Variants in ROBO1 observed in about 807,000 individuals in gnomAD.
ROBO1 encodes the protein roundabout guidance receptor 1, also known as roundabout homolog 1.
In ROBO1, 149 loss-of-function variants were observed where a neutral mutation model predicts 195.9. The ratio of observed to expected loss-of-function variants is 0.76; its 90% confidence interval spans 0.67 to 0.87. ROBO1 has a LOEUF of 0.87. Among genes scored for constraint, ROBO1 ranks in the 40% least tolerant of loss-of-function variants. ROBO1 has a pLI of 0.00. For synonymous variants in ROBO1, 816 were observed against 733.2 expected, an observed-to-expected ratio of 1.11 and a Z score of -1.82; for missense variants, 1,933 against 2,068.3, an observed-to-expected ratio of 0.93 and a Z score of 1.27.
At chr3:78,670,947 C>T (rs375440416) in intron 10 of ROBO1, among the ~76,000 whole-genome samples, 1 of 152,112 alleles carries the variant, frequency 6.6e-6, no homozygotes, top group African/African-American at 2.4e-5. Flanking sequence ...TGCCCAAATA[C>T]ATTGTTGTTT....
At chr3:79,750,557 A>G (rs564595518) in intron 1 of ROBO1, among the ~76,000 whole-genome samples, 3 of 152,264 alleles carry the variant, frequency 2.0e-5, no homozygotes, top group South Asian at 4.1e-4. Context: ...GGAATCCAGT[A>G]GGAGGTGAAT....
At chr3:79,117,450 C>T (rs1278202876) in intron 3 of ROBO1, among the ~76,000 whole-genome samples, 1 of 152,054 alleles carries the variant, frequency 6.6e-6, no homozygotes, top group African/African-American at 2.4e-5. Context: ...GTACTTGTTG[C>T]AGTCACAGAA....
chr3:79,465,328 G>A lies in ROBO1; in HGVS notation c.88+124496C>T, dbSNP rs547555045. Among the ~76,000 whole-genome samples, 4 of 152,122 alleles carry A rather than the reference G, an allele frequency of 2.6e-5. No individual in the cohort carries two copies. In the East Asian group the frequency reaches 7.7e-4, roughly 29 times the overall value. On this transcript the variant is annotated intron_variant, in intron 2 of 30. Transcript: ENST00000464233. ...CTCAACTCAGAACTATCGCAAAAAA[G>A]ATCCCCTTAAGCATTGTCATTTATC...
At chr3:78,805,495 G>C (rs948522973) in intron 4 of ROBO1, among the ~76,000 whole-genome samples, 1 of 151,932 alleles carries the variant, frequency 6.6e-6, no homozygotes. Flanking sequence ...CTAAACAAAT[G>C]TATCTTTTGT....
intron 3 of ROBO1, among the ~76,000 whole-genome samples, chr3:78,977,719 C>T (rs1046999717): frequency 6.6e-6 from 1 of 151,838 alleles, no homozygotes; most frequent in African/African-American, 2.4e-5. Flanking sequence ...GAAATATATA[C>T]CACAATGTTA....
chr3:79,195,967 C>T (rs557062413), intron 2 of ROBO1, among the ~76,000 whole-genome samples: 2 of 151,476 alleles, frequency 1.3e-5, no homozygotes, highest in Admixed American at 1.3e-4. Context: ...AGTTAATTAA[C>T]AGACACATTA....
intron 3 of ROBO1, among the ~76,000 whole-genome samples, chr3:79,009,098 G>C (rs1262194004): frequency 6.9e-6 from 1 of 145,682 alleles, no homozygotes; most frequent in African/African-American, 2.5e-5. Flanking sequence ...CCACCACAAC[G>C]CCCAGCTAAT....
At chr3:79,213,036 G>C (rs189683812) in intron 2 of ROBO1, among the ~76,000 whole-genome samples, 3 of 151,624 alleles carry the variant, frequency 2.0e-5, no homozygotes, top group Non-Finnish European at 4.4e-5. Flanking sequence ...ACAAGCTCAG[G>C]GGTTCAAGAC....
In ROBO1 at chr3:78,673,562, T is replaced by TTATATA. The variant is rs1166250669; in HGVS notation, c.1343-3267_1343-3262dup. Among the ~76,000 whole-genome samples the TTATATA allele has an allele frequency of 6.6e-3, 415 of 63,236 alleles. 2 individuals are homozygous for TTATATA. The highest frequency in any genetic ancestry group is 9.0e-3 in the Non-Finnish European group (279 of 30,850). 41.5% of individuals were successfully genotyped at this position (63,236 alleles called of 152,430 possible). On this transcript the variant is annotated intron_variant, in intron 10 of 30. Transcript: ENST00000464233. Reference sequence around the variant, plus strand: ...ATATTACAGCTAGGTTACATATATTTTATATATATATATATATATATATAT... The same window carrying TTATATA: ...ATATTACAGCTAGGTTACATATATTTTATATATATATATATATATATATATATATAT...
chr3:78,609,894 AT>A (rs1377236413), intron 28 of ROBO1, among the ~76,000 whole-genome samples: 1 of 152,166 alleles, frequency 6.6e-6, no homozygotes, highest in African/African-American at 2.4e-5. Context: ...TAAATATACA[AT>A]TTTTTGAAAC....
At position 79,730,379 on chromosome 3, in the gene ROBO1, T is replaced by C. The variant is rs1703094515; in HGVS notation, c.-51+37373A>G. On this transcript the variant is annotated intron_variant, in intron 1 of 30. Transcript: ENST00000464233. ...TATATCTGATTCCTATGTAATTATATAGTCACTCACTGAATATTCATTCTA... is the reference window on the plus strand; with the variant it reads ...TATATCTGATTCCTATGTAATTATACAGTCACTCACTGAATATTCATTCTA... 2.0e-5 allele frequency among the ~76,000 whole-genome samples: 3 copies of C among 152,344 alleles called. No homozygotes were observed. The South Asian group carries it at 6.2e-4, about 32-fold the overall frequency.
At position 79,745,155 on chromosome 3, in the gene ROBO1, A is replaced by G. The variant is rs969944191; in HGVS notation, c.-51+22597T>C. ...CATCCATTAACCTAACCACTCAGTC[A>G]CAGAGAAGTTCTTATCACCACATTG... is the stretch of plus-strand genomic sequence containing the variant. On this transcript the variant is annotated intron_variant, in intron 1 of 30. Coordinates refer to ENST00000464233, the MANE Select transcript of ROBO1 (RefSeq NM_002941.4). Among the ~76,000 whole-genome samples, 9 of 152,164 alleles carry G rather than the reference A, an allele frequency of 5.9e-5. No individual in the cohort carries two copies. The South Asian group carries it at 6.2e-4, about 10-fold the overall frequency.
intron 2 of ROBO1, among the ~76,000 whole-genome samples, chr3:79,365,224 C>G (rs974383821): frequency 6.6e-6 from 1 of 152,146 alleles, no homozygotes. Flanking sequence ...CCTTCACCAG[C>G]ATTTTTTATA....
chr3:79,508,639 C>T (rs7644533), intron 2 of ROBO1, among the ~76,000 whole-genome samples: 110,170 of 152,090 alleles, frequency 0.72, 40,503 homozygotes, highest in African/African-American at 0.86. Flanking sequence ...TCAGAAATTA[C>T]GTTTGATTAA....
rs191825100 is a variant in ROBO1, at chr3:79,154,133, C to A, written c.89-28594G>T. On this transcript the variant is annotated intron_variant, in intron 2 of 30. Transcript: ENST00000464233. ...ACACTGTAATTGTCTTGTAATCTAG[C>A]ATCTAAAACCTGCCCATACATAATG... 8.6e-5 allele frequency among the ~76,000 whole-genome samples: 13 copies of A among 151,852 alleles called. No homozygotes were observed. The East Asian group carries it at 2.5e-3, about 30-fold the overall frequency.
chr3:79,707,297 G>C (rs1431984431), intron 1 of ROBO1, among the ~76,000 whole-genome samples: 3 of 152,114 alleles, frequency 2.0e-5, no homozygotes, highest in African/African-American at 4.8e-5. Flanking sequence ...GTTATTCATA[G>C]TATGCCATTA....
intron 4 of ROBO1, among the ~76,000 whole-genome samples, chr3:78,808,143 T>G (rs1221362207): frequency 1.3e-5 from 2 of 152,310 alleles, no homozygotes; most frequent in African/African-American, 4.8e-5. Flanking sequence ...TCAGAACTCC[T>G]TTTCCTAACC....
chr3:79,107,594 A>T (rs978048888), intron 3 of ROBO1, among the ~76,000 whole-genome samples: 1 of 151,666 alleles, frequency 6.6e-6, no homozygotes, highest in Non-Finnish European at 1.5e-5. Flanking sequence ...GCTGAAAAGG[A>T]CTGCTTGCAT....
rs763808232 is a variant in ROBO1 at position 79,018,392 on chromosome 3, A to C, written c.173-79465T>G. 4.3e-6 allele frequency: 7 copies of C among 1,613,866 alleles called. No individual in the cohort carries two copies. The East Asian group carries it at 1.3e-4, about 31-fold the overall frequency. On this transcript the variant is annotated intron_variant, in intron 3 of 30. Coordinates refer to ENST00000464233, the MANE Select transcript of ROBO1 (RefSeq NM_002941.4). The stretch of plus-strand genomic sequence containing the variant: ...CAGGGAGGATCAAGGGTGAAGAAAG[A>C]AGACGCGGGGTTACCTGAACAGAGA...
Sources: gnomAD v4.1 joint callset for allele counts (sites outside exome capture counted in the v4.1 genomes callset) on GRCh38, gnomAD v4.1.1 for gene constraint, MANE v1.5 for transcripts, NCBI Gene and HGNC (gene_info 2026-07-23, HGNC 2026-07-21) for gene names.